FKTN: variants seen among roughly 807,000 people sequenced by gnomAD.
FKTN encodes the protein fukutin.
A neutral mutation model predicts 58.6 loss-of-function variants in FKTN; 47 were observed. That is an observed-to-expected ratio of 0.80 (90% CI 0.63 to 1.02). FKTN has a LOEUF of 1.02. Ranked by LOEUF, FKTN falls within the 50% of genes least tolerant of loss-of-function variation. FKTN has a pLI of 0.00. For missense variants in FKTN, 516 were observed against 537.3 expected, an observed-to-expected ratio of 0.96 and a Z score of 0.39; for synonymous variants, 178 against 191.9, an observed-to-expected ratio of 0.93 and a Z score of 0.60.
chr9:105,590,240 A>T (rs1844630882), intron 3 of FKTN, among the ~76,000 whole-genome samples: 1 of 152,114 alleles, frequency 6.6e-6, no homozygotes, highest in Non-Finnish European at 1.5e-5. Flanking sequence ...ATGAGAGCTG[A>T]TGATTTTATA....
intron 10 of FKTN, among the ~76,000 whole-genome samples, chr9:105,633,846 T>C (rs1833769050): frequency 6.6e-6 from 1 of 152,216 alleles, no homozygotes; most frequent in Admixed American, 6.5e-5. Flanking sequence ...TTAGATCCCA[T>C]TTCCACAATA....
In FKTN at chr9:105,576,038, A is replaced by T. The variant is rs115910687; in HGVS notation, c.105+901A>T. 6.6e-3 allele frequency among the ~76,000 whole-genome samples: 1,009 copies of T among 152,150 alleles called. 17 individuals are homozygous for T. Among genetic ancestry groups the T allele is most frequent in the African/African-American group, 0.023 (957 of 41,524 alleles). On this transcript the variant is annotated intron_variant, in intron 3 of 10. Transcript: ENST00000357998. Reference sequence around the variant, plus strand: ...CAGCTGACTCACAGATTTGTGAGGGAGGAAATAGATGCTTATAAGCCATAA... The same window carrying T: ...CAGCTGACTCACAGATTTGTGAGGGTGGAAATAGATGCTTATAAGCCATAA...
At chr9:105,592,122 C>T (rs919842521) in intron 3 of FKTN, among the ~76,000 whole-genome samples, 2 of 152,240 alleles carry the variant, frequency 1.3e-5, no homozygotes, top group African/African-American at 4.8e-5. Context: ...AAAGCCTTGT[C>T]CCCATTTTCT....
intron 3 of FKTN, among the ~76,000 whole-genome samples, chr9:105,579,137 T>C (rs1842364327): frequency 1.3e-5 from 2 of 152,184 alleles, no homozygotes; most frequent in South Asian, 4.1e-4. Flanking sequence ...CATTGATTTT[T>C]TGAATGGTTT....
chr9:105,637,060 A>G lies in FKTN; in HGVS notation c.*1796A>G. The stretch of plus-strand genomic sequence containing the variant: ...TCTCTTTGCTAGAAAATCAGCCCAT[A>G]GAGTGCATTCCCAAATTCTAAATAG... On this transcript the variant is annotated 3_prime_UTR_variant, in exon 11 of 11. Transcript: ENST00000357998. 2 of 993,266 alleles carry G rather than the reference A, an allele frequency of 2.0e-6. No homozygotes were observed. The highest frequency in any genetic ancestry group is 8.7e-5 in the South Asian group (2 of 22,880). 61.5% of individuals were successfully genotyped at this position (993,266 alleles called of 1,614,324 possible).
chr9:105,635,091 G>A lies in FKTN; in HGVS notation c.1213G>A (p.Val405Ile), dbSNP rs1016336285. The change falls in exon 11 of 11, where the codon GTA becomes ATA. Residue 405 changes from valine (V) to isoleucine (I), a missense_variant. Transcript: ENST00000357998. ...PKFTLCWTEFVDMKVHVPCET... is the reference protein window; with the variant it reads ...PKFTLCWTEFIDMKVHVPCET... ...GTTTACACTGTGCTGGACTGAGTTT[G>A]TAGACATGAAGGTCCATGTACCCTG... 1.9e-6 allele frequency: 3 copies of A among 1,613,986 alleles called. No homozygotes were observed. Among genetic ancestry groups the A allele is most frequent in the African/African-American group, 2.7e-5 (2 of 74,918 alleles).
intron 10 of FKTN, among the ~76,000 whole-genome samples, chr9:105,620,636 G>A (rs1243377235): frequency 6.6e-6 from 1 of 152,042 alleles, no homozygotes; most frequent in African/African-American, 2.4e-5. Flanking sequence ...TTCCTCAGCT[G>A]TAAAATGGAA....
At chr9:105,622,393 G>T (rs1054750481) in intron 10 of FKTN, among the ~76,000 whole-genome samples, 1 of 151,926 alleles carries the variant, frequency 6.6e-6, no homozygotes, top group Non-Finnish European at 1.5e-5. Flanking sequence ...AAACTACTCT[G>T]CAGGACTATA....
chr9:105,586,270 G>A (rs1026213299), intron 3 of FKTN, among the ~76,000 whole-genome samples: 8 of 152,118 alleles, frequency 5.3e-5, no homozygotes, highest in East Asian at 1.9e-4. Flanking sequence ...TTTCATAGAC[G>A]GGTAGAATTG....
At chr9:105,561,457 GA>G (rs1436419306) in intron 1 of FKTN, among the ~76,000 whole-genome samples, 1 of 151,432 alleles carries the variant, frequency 6.6e-6, no homozygotes, top group South Asian at 2.1e-4. Context: ...GATAAATAAG[GA>G]AAAAAAATAA....
In FKTN at chr9:105,582,139, T is replaced by C. The variant is rs568306924; in HGVS notation, c.105+7002T>C. Among the ~76,000 whole-genome samples, 1,337 of 152,196 alleles carry C rather than the reference T, an allele frequency of 8.8e-3. 20 individuals carry two copies. Among genetic ancestry groups the C allele is most frequent in the African/African-American group, 0.031 (1,282 of 41,482 alleles). ...AATCACCCGTCTTCTGCGTCGCTCA[T>C]GCTGGGAGCTGTAGACCGGAGCTGT... On this transcript the variant is annotated intron_variant, in intron 3 of 10. Transcript: ENST00000357998.
At position 105,637,940 on chromosome 9, in the gene FKTN, T is replaced by C. The variant is rs954070672; in HGVS notation, c.*2676T>C. The C allele has an allele frequency of 2.0e-5, 20 of 985,278 alleles. No individual in the cohort carries two copies. The highest frequency in any genetic ancestry group is 2.4e-5 in the Non-Finnish European group (20 of 829,930). 61.0% of individuals were successfully genotyped at this position (985,278 alleles called of 1,614,324 possible). A position where few individuals can be genotyped will look rare whatever the true frequency, so the allele number is the denominator to read the frequency against. On this transcript the variant is annotated 3_prime_UTR_variant, in exon 11 of 11. Transcript: ENST00000357998. The stretch of plus-strand genomic sequence containing the variant: ...TGGTGGGACAGCTGATTTCTTTGAT[T>C]CCCTAGCTGCAAAACCTGAAATTGA...
At chr9:105,575,288 A>G in intron 3 of FKTN, 151 bp downstream of exon 3, 1 of 637,644 alleles carries the variant, frequency 1.6e-6, no homozygotes, top group South Asian at 1.8e-5. Flanking sequence ...AATTCAGTTA[A>G]ATATACTTGT....
intron 10 of FKTN, among the ~76,000 whole-genome samples, chr9:105,628,404 TAGC>T (rs1225184102): frequency 6.6e-6 from 1 of 152,140 alleles, no homozygotes; most frequent in Non-Finnish European, 1.5e-5. Flanking sequence ...TATGTAGAAG[TAGC>T]AGTTATTTAT....
intron 3 of FKTN, among the ~76,000 whole-genome samples, chr9:105,580,341 A>G (rs1340993962): frequency 1.3e-5 from 2 of 151,312 alleles, no homozygotes; most frequent in African/African-American, 4.9e-5. Flanking sequence ...TTCCTTCAGG[A>G]GCTCTTTTAG....
chr9:105,600,618 G>A (rs1827700320), intron 4 of FKTN, among the ~76,000 whole-genome samples: 2 of 152,108 alleles, frequency 1.3e-5, no homozygotes, highest in South Asian at 4.1e-4. Context: ...GTGTATTTTG[G>A]TCTGAGTCTT....
chr9:105,611,266 A>T (rs955540577), intron 7 of FKTN, among the ~76,000 whole-genome samples: 1 of 152,210 alleles, frequency 6.6e-6, no homozygotes, highest in African/African-American at 2.4e-5. Context: ...CATGATATTT[A>T]AAGTAGGATA....
chr9:105,564,519 G>A (rs978062090), intron 1 of FKTN, among the ~76,000 whole-genome samples: 6 of 152,178 alleles, frequency 3.9e-5, no homozygotes, highest in African/African-American at 9.6e-5. Flanking sequence ...TTCAGTAGCC[G>A]ATTTGATCAA....
At position 105,640,156 on chromosome 9, in the gene FKTN, A is replaced by G; in HGVS notation, c.*4892A>G. 6.5e-7 allele frequency: 1 copy of G among 1,535,410 alleles called. No individual in the cohort carries two copies. The highest frequency in any genetic ancestry group is 2.4e-5 in the East Asian group (1 of 40,892). On this transcript the variant is annotated 3_prime_UTR_variant, in exon 11 of 11. Coordinates refer to ENST00000357998, the MANE Select transcript of FKTN (RefSeq NM_001079802.2). The stretch of plus-strand genomic sequence containing the variant: ...TTAAGCTGCTTCACATCAGACTGAA[A>G]TCCTAATTACAGTTCATAAGTGAAA...
Sources: gnomAD v4.1 joint callset for allele counts (sites outside exome capture counted in the v4.1 genomes callset) on GRCh38, gnomAD v4.1.1 for gene constraint, MANE v1.5 for transcripts, NCBI Gene and HGNC (gene_info 2026-07-23, HGNC 2026-07-21) for gene names.